LETM1: variants seen among roughly 807,000 people sequenced by gnomAD.
LETM1 encodes the protein mitochondrial proton/calcium exchanger protein.
LETM1 carries 50 observed loss-of-function variants against 74.5 expected under a neutral mutation model. The ratio of observed to expected loss-of-function variants is 0.67; its 90% confidence interval spans 0.53 to 0.85. LETM1 has a LOEUF of 0.85. LETM1 is among the 40% of genes least tolerant of loss of function. The probability of loss-of-function intolerance (pLI) is 0.00; values close to 1 mark genes in which losing one functional copy is unlikely to be tolerated. For synonymous variants in LETM1, 446 were observed against 407.1 expected (o/e 1.10, Z -1.15); for missense variants, 824 against 967.8 (o/e 0.85, Z 1.97).
intron 6 of LETM1, among the ~76,000 whole-genome samples, chr4:1,827,858 G>C (rs1399286057): frequency 6.7e-6 from 1 of 148,892 alleles, no homozygotes; most frequent in Admixed American, 6.6e-5. Context: ...CTTCCCAGTA[G>C]GGGCGGCCGG....
At chr4:1,815,576 G>A (rs1350012009) in intron 13 of LETM1, 88 bp downstream of exon 13, 1 of 1,467,130 alleles carries the variant, frequency 6.8e-7, no homozygotes. Context: ...GCCCAGGAGG[G>A]TGCCGGACAT....
intron 6 of LETM1, among the ~76,000 whole-genome samples, chr4:1,829,340 C>CA (rs1311862890): frequency 3.9e-4 from 55 of 140,186 alleles, no homozygotes; most frequent in African/African-American, 1.4e-3. Context: ...GCTGGCCAGG[C>CA]GGAGGGCTGA....
At chr4:1,838,105 T>C (rs1712519153) in intron 3 of LETM1, among the ~76,000 whole-genome samples, 3 of 152,230 alleles carry the variant, frequency 2.0e-5, no homozygotes, top group South Asian at 4.1e-4. Context: ...TTTTTTTTAC[T>C]TTTTATTTTT....
chr4:1,841,525 G>A lies in LETM1; in HGVS notation c.416C>T (p.Pro139Leu), dbSNP rs147072184. 59 of 1,614,078 alleles carry A rather than the reference G, an allele frequency of 3.7e-5. No homozygotes were observed. Among genetic ancestry groups the A allele is most frequent in the Admixed American group, 1.5e-4 (9 of 60,008 alleles). Residue 139 changes from proline to leucine, a missense_variant, in exon 3 of 14, where the codon CCG (proline) becomes CTG (leucine). Pro to Leu is a moderately conservative substitution (Grantham distance 98). Around this residue, in one of 4 missense-constraint regions of LETM1, gnomAD observed 222 missense variants for 195.6 expected, o/e 1.14. Transcript: ENST00000302787. ...DKNKKLEEGG[P>L]VYSPPAEVVV... ...CACCTCTGCGGGGGGGCTGTACACCGGGCCGCCTTCCTCCAGCTTCTTGTT... is the reference window on the plus strand; with the variant it reads ...CACCTCTGCGGGGGGGCTGTACACCAGGCCGCCTTCCTCCAGCTTCTTGTT...
intron 6 of LETM1, among the ~76,000 whole-genome samples, chr4:1,828,851 CG>C (rs1287083928): frequency 8.9e-6 from 1 of 111,840 alleles, no homozygotes; most frequent in Non-Finnish European, 1.9e-5. Context: ...GGCGGCTGGC[CG>C]GGCGGGAGGC....
intron 10 of LETM1, among the ~76,000 whole-genome samples, chr4:1,821,713 G>A (rs1464066014): frequency 1.3e-5 from 2 of 152,144 alleles, no homozygotes; most frequent in African/African-American, 4.8e-5. Context: ...GGCAGCACAG[G>A]CGCCTGGAGG....
In LETM1 at chr4:1,834,462, C is replaced by G; in HGVS notation, c.876+383G>C. 9.7e-7 allele frequency: 1 copy of G among 1,033,534 alleles called. No individual in the cohort carries two copies. The highest frequency in any genetic ancestry group is 4.7e-4 in the Middle Eastern group (1 of 2,108). The allele number at this position is 1,033,534 out of a possible 1,614,324, so 64.0% of individuals were successfully genotyped here. A position where few individuals can be genotyped will look rare whatever the true frequency, so the allele number is the denominator to read the frequency against. ...CAGGCCTCTGACCAGCCCCTGGGAC[C>G]TGGGATCTTCTTGACTGACTCCAGC... On this transcript the variant is annotated intron_variant, in intron 5 of 13. Coordinates refer to ENST00000302787, the MANE Select transcript of LETM1 (RefSeq NM_012318.3). The surrounding 1 kb of genome is among the most constrained non-coding windows in gnomAD (Gnocchi z 5.0).
At chr4:1,829,590 G>A (rs1712185425) in intron 6 of LETM1, among the ~76,000 whole-genome samples, 3 of 152,256 alleles carry the variant, frequency 2.0e-5, no homozygotes, top group Admixed American at 2.0e-4. Context: ...CAAGGTGGGA[G>A]AATCACTTGA....
chr4:1,819,652 G>A (rs1475452275), intron 10 of LETM1, among the ~76,000 whole-genome samples, 180 bp from the exon 11 acceptor site: 4 of 152,220 alleles, frequency 2.6e-5, no homozygotes, highest in African/African-American at 7.2e-5. Flanking sequence ...GCTGCTGCAC[G>A]CAGTCACTGT....
At chr4:1,842,694 C>G (rs1361044709) in intron 2 of LETM1, among the ~76,000 whole-genome samples, 1 of 152,236 alleles carries the variant, frequency 6.6e-6, no homozygotes, top group Non-Finnish European at 1.5e-5. Flanking sequence ...CCAGACCCAT[C>G]TCGGTCCACG....
chr4:1,826,731 T>C (rs937022372), intron 6 of LETM1, among the ~76,000 whole-genome samples: 16 of 152,278 alleles, frequency 1.1e-4, no homozygotes, highest in African/African-American at 3.9e-4. Context: ...GCTCCGCCAG[T>C]TGATCAGGAA....
chr4:1,847,824 CAAAA>C (rs778839346), intron 2 of LETM1, among the ~76,000 whole-genome samples: 4 of 41,922 alleles, frequency 9.5e-5, no homozygotes, highest in Non-Finnish European at 1.9e-4. Context: ...AACTCGGTCT[CAAAA>C]AAAAAAAAAA....
intron 6 of LETM1, 151 bp downstream of exon 6, chr4:1,832,593 T>C (rs1332802401): frequency 3.0e-6 from 2 of 672,954 alleles, no homozygotes; most frequent in Admixed American, 5.5e-5. Flanking sequence ...TCAAAGGATC[T>C]GCAATCTGCA....
At chr4:1,829,357 C>G (rs1267594207) in intron 6 of LETM1, among the ~76,000 whole-genome samples, 5 of 151,492 alleles carry the variant, frequency 3.3e-5, no homozygotes, top group South Asian at 2.1e-4. Context: ...CTGACCCCCC[C>G]ACCTCCCTCC....
At chr4:1,815,439 C>T (rs773930400) in intron 13 of LETM1, among the ~76,000 whole-genome samples, 3 of 152,196 alleles carry the variant, frequency 2.0e-5, no homozygotes, top group African/African-American at 4.8e-5. Context: ...CCACTAGGTG[C>T]GTTTTCTCTC....
rs1006760600 is a variant in LETM1, at chr4:1,836,705, T to C, written c.595-133A>G. ...GACTCACAGGACCCACTGAGGACTC[T>C]AAGTTCCAGAACCACTTAGCAGACC... On this transcript the variant is annotated intron_variant, in intron 3 of 13. Transcript: ENST00000302787. This position sits in a 1 kb window ranked among gnomAD's most constrained non-coding sequence, Gnocchi z 5.8. The C allele has an allele frequency of 2.2e-6, 2 of 929,490 alleles. No homozygotes were observed. The highest frequency in any genetic ancestry group is 2.6e-5 in the Admixed American group (1 of 38,486). 57.6% of individuals were successfully genotyped at this position (929,490 alleles called of 1,614,324 possible). A position where few individuals can be genotyped will look rare whatever the true frequency, so the allele number is the denominator to read the frequency against.
At chr4:1,814,699 C>A in intron 13 of LETM1, 126 bp from the exon 14 acceptor site, 1 of 759,274 alleles carries the variant, frequency 1.3e-6, no homozygotes. Context: ...TCACTGCCTG[C>A]GGGCCCCAGG....
intron 9 of LETM1, 189 bp from the exon 10 acceptor site, chr4:1,822,501 T>C: frequency 1.9e-6 from 1 of 515,078 alleles, no homozygotes. Flanking sequence ...TGGGGCCCTC[T>C]CCAGAACAGG....
rs987514458 is a variant in LETM1 at position 1,840,720 on chromosome 4, C to T, written c.594+627G>A. 3.3e-5 allele frequency among the ~76,000 whole-genome samples: 5 copies of T among 149,766 alleles called. No homozygotes were observed. The East Asian group carries it at 5.9e-4, about 18-fold the overall frequency. ...AAAAATAATAATAATAAAAAAAAAA[C>T]GAAGCGGGGGTGGTGGGAACCTAAC... On this transcript the variant is annotated intron_variant, in intron 3 of 13. Transcript: ENST00000302787.
Sources: gnomAD v4.1 joint callset for allele counts (sites outside exome capture counted in the v4.1 genomes callset) on GRCh38, gnomAD v4.1.1 for gene constraint, gnomAD v4.1.1 regional missense constraint, Gnocchi (gnomAD v3.1) non-coding constraint, MANE v1.5 for transcripts, NCBI Gene and HGNC (gene_info 2026-07-23, HGNC 2026-07-21) for gene names.